Variants in STAB1 observed in about 807,000 individuals in gnomAD.
The protein encoded by STAB1 is stabilin 1.
STAB1 carries 250 observed loss-of-function variants against 332.4 expected under a neutral mutation model. The ratio of observed to expected loss-of-function variants is 0.75; its 90% CI spans 0.68 to 0.84. The LOEUF (loss-of-function observed/expected upper bound fraction) is 0.84. Among genes scored for constraint, STAB1 ranks in the 40% least tolerant of loss-of-function variants. The pLI is 0.00. For missense variants in STAB1, 3,249 were observed against 3,489.7 expected (o/e 0.93, Z 1.74); for synonymous variants, 1,475 against 1,390.4 (o/e 1.06, Z -1.35).
intron 34 of STAB1, 50 bp from the exon 35 acceptor site, chr3:52,514,651 C>A (rs896814330): frequency 3.1e-6 from 5 of 1,611,244 alleles, no homozygotes; most frequent in Admixed American, 1.7e-5. Flanking sequence ...TACAGCCCTG[C>A]CAGGTGAGGG....
chr3:52,515,578 G>T, intron 37 of STAB1, 72 bp downstream of exon 37: 1 of 1,531,242 alleles, frequency 6.5e-7, no homozygotes, highest in Non-Finnish European at 9.0e-7. Context: ...GCCCAGGGAG[G>T]AGCCCAGTTT....
Position 52,520,283 on chromosome 3 carries a change from C to T in STAB1, c.5492C>T (p.Thr1831Met), listed in dbSNP as rs752037183. 1.7e-5 allele frequency: 28 copies of T among 1,613,108 alleles called. No homozygotes were observed. Among genetic ancestry groups the T allele is most frequent in the Middle Eastern group, 3.3e-4 (2 of 6,060 alleles). Residue 1831 changes from threonine (T) to methionine (M), a missense_variant, in exon 52 of 69, where the codon ACG (threonine) becomes ATG (methionine). Physicochemically the swap from Thr to Met is moderately conservative, Grantham distance 81. Transcript: ENST00000321725. ...CCCATCTCTTTCTCCTGCAGCCGAA[C>T]GCGGGCCGTGAGTCTGGGGAGAGGG... ...GTPISFSCSR[T>M]RAGELMVGED...
chr3:52,517,023 C>T lies in STAB1; in HGVS notation c.4403C>T (p.Pro1468Leu). 1 of 1,608,348 alleles carries T rather than the reference C, an allele frequency of 6.2e-7. No homozygotes were observed. Among genetic ancestry groups the T allele is most frequent in the East Asian group, 2.2e-5 (1 of 44,846 alleles). ...GCCCACGGCCATGGGGGCTGCTCCC[C>T]TCATGCCAACTGTACCAAGGTGGCA... ...PCAHGHGGCS[P>L]HANCTKVAPG... Residue 1468 changes from proline (P) to leucine (L), a missense_variant, in exon 42 of 69, where the codon CCT (proline) becomes CTT (leucine). Physicochemically the swap from Pro to Leu is moderately conservative, Grantham distance 98. Coordinates refer to ENST00000321725, the MANE Select transcript of STAB1 (RefSeq NM_015136.3).
At position 52,506,794 on chromosome 3, in the gene STAB1, A is replaced by G; in HGVS notation, c.1933A>G (p.Thr645Ala). Reference sequence around the variant, plus strand: ...GCTGGACGGCATCCTGCTGCCCCCGACCATCCTGCCCATCCTGCCCAAGCA... The same window carrying G: ...GCTGGACGGCATCCTGCTGCCCCCGGCCATCCTGCCCATCCTGCCCAAGCA... The part of the protein sequence containing the change: ...HMLDGILLPP[T>A]ILPILPKHCS... Residue 645 changes from threonine to alanine, a missense_variant, in exon 18 of 69, where the codon ACC becomes GCC. Thr to Ala is a moderately conservative substitution (Grantham distance 58). Transcript: ENST00000321725. The G allele has an allele frequency of 1.2e-6, 2 of 1,613,154 alleles. No individual in the cohort carries two copies. Among genetic ancestry groups the G allele is most frequent in the Non-Finnish European group, 1.7e-6 (2 of 1,179,940 alleles).
At chr3:52,504,409 T>A in intron 10 of STAB1, 52 bp from the exon 11 acceptor site, 5 of 1,590,384 alleles carry the variant, frequency 3.1e-6, no homozygotes, top group Non-Finnish European at 4.3e-6. Flanking sequence ...TCTTCTGAGA[T>A]CCCCAGAGTC....
At position 52,518,571 on chromosome 3, in the gene STAB1, C is replaced by T. The variant is rs888301521; in HGVS notation, c.4845C>T (p.Thr1615=). The T allele has an allele frequency of 1.9e-6, 3 of 1,599,402 alleles. No individual in the cohort carries two copies. The highest frequency in any genetic ancestry group is 1.3e-5 in the African/African-American group (1 of 74,848). The change falls in exon 47 of 69, where the codon ACC becomes ACT. Residue 1615 remains threonine, a synonymous_variant. Transcript: ENST00000321725. ...YKELKGDGPF[T]IFVPHADLMS... ...AGCTCAAGGGCGATGGGCCTTTCAC[C>T]ATCTTCGTGCCGCACGCAGATCTAA...
At chr3:52,521,995 C>G (rs781359176) in intron 58 of STAB1, 42 bp from the exon 59 acceptor site, 114 of 1,609,406 alleles carry the variant, frequency 7.1e-5, no homozygotes, top group Non-Finnish European at 9.3e-5. Flanking sequence ...GCCCCCACTC[C>G]CCTGCAGTCA....
chr3:52,501,141 G>T, intron 1 of STAB1, 25 bp from the exon 2 acceptor site: 1 of 1,608,466 alleles, frequency 6.2e-7, no homozygotes. Context: ...CCAGGCCCCT[G>T]ACCACACCCT....
At chr3:52,502,456 G>C (rs77652244) in intron 5 of STAB1, among the ~76,000 whole-genome samples, 176 bp from the exon 6 acceptor site, 2 of 152,194 alleles carry the variant, frequency 1.3e-5, no homozygotes, top group Non-Finnish European at 2.9e-5. Context: ...GCCCCAGGCC[G>C]GGCCAGTGCC....
At position 52,513,607 on chromosome 3, in the gene STAB1, C is replaced by T. The variant is rs573281899; in HGVS notation, c.3271-110C>T. 76 of 1,131,642 alleles carry T rather than the reference C, an allele frequency of 6.7e-5. No homozygotes were observed. The South Asian group carries it at 8.4e-4, about 13-fold the overall frequency. The allele number at this position is 1,131,642 out of a possible 1,614,324, so 70.1% of individuals were successfully genotyped here. On this transcript the variant is annotated intron_variant, in intron 30 of 68. Transcript: ENST00000321725. ...AGAACCCAGCTTGTGGGCCAGCCTGCGGACCACCTGTGGGTGCCTGTGTGC... is the reference window on the plus strand; with the variant it reads ...AGAACCCAGCTTGTGGGCCAGCCTGTGGACCACCTGTGGGTGCCTGTGTGC...
chr3:52,522,313 G>A lies in STAB1; in HGVS notation c.6466-17G>A, dbSNP rs776041445. On this transcript the variant is annotated splice_polypyrimidine_tract_variant and intron_variant, in intron 59 of 68. Coordinates refer to ENST00000321725, the MANE Select transcript of STAB1 (RefSeq NM_015136.3). The stretch of plus-strand genomic sequence containing the variant: ...CTCTGAAGGGTGAAGGGCGCCCACT[G>A]CTCTCTCCAACCCCAGAACACACGG... 1 of 1,612,624 alleles carries A rather than the reference G, an allele frequency of 6.2e-7. No homozygotes were observed. Among genetic ancestry groups the A allele is most frequent in the African/African-American group, 1.3e-5 (1 of 74,910 alleles).
intron 25 of STAB1, among the ~76,000 whole-genome samples, chr3:52,510,875 T>C (rs963032846): frequency 6.6e-6 from 1 of 152,228 alleles, no homozygotes; most frequent in African/African-American, 2.4e-5. Flanking sequence ...GCTCGGAACC[T>C]GGAGCCTTCC....
chr3:52,502,456 G>A lies in STAB1; in HGVS notation c.488-176G>A, dbSNP rs77652244. ...GGAAGCCCTCTGTGAGCCCCAGGCC[G>A]GGCCAGTGCCTTCTGTGGTCTCCCA... On this transcript the variant is annotated intron_variant, in intron 5 of 68. Coordinates refer to ENST00000321725, the MANE Select transcript of STAB1 (RefSeq NM_015136.3). Among the ~76,000 whole-genome samples, 146 of 152,312 alleles carry A rather than the reference G, an allele frequency of 9.6e-4. 4 individuals carry two copies. The East Asian group carries it at 0.026, about 28-fold the overall frequency.
chr3:52,524,170 C>T lies in STAB1; in HGVS notation c.7613C>T (p.Pro2538Leu). 6.2e-7 allele frequency: 1 copy of T among 1,614,106 alleles called. No individual in the cohort carries two copies. Among genetic ancestry groups the T allele is most frequent in the Non-Finnish European group, 8.5e-7 (1 of 1,180,042 alleles). ...EGTNPTLVSV[P>L]NPVFGSDTFC... ...ACCAACCCCACCCTGGTCTCTGTCC[C>T]CAACCCTGTCTTTGGCAGCGACACC... The change falls in exon 68 of 69, where the codon CCC becomes CTC. Residue 2538 changes from proline to leucine, a missense_variant. Pro to Leu is a moderately conservative substitution (Grantham distance 98, BLOSUM62 -3). Transcript: ENST00000321725.
rs2079050257 is a variant in STAB1, at chr3:52,520,859, T to C, written c.5762T>C (p.Leu1921Pro). Reference sequence around the variant, plus strand: ...CCGAAGTTCTGGACGTCCCCTCCGCTGCACTCTTTGGGATTACGCAGCGTC... The same window carrying C: ...CCGAAGTTCTGGACGTCCCCTCCGCCGCACTCTTTGGGATTACGCAGCGTC... ...FYPKFWTSPP[L>P]HSLGLRSVWV... The change falls in exon 55 of 69, where the codon CTG becomes CCG. Residue 1921 changes from leucine to proline, a missense_variant. Leu to Pro is a moderately conservative substitution (Grantham distance 98). Coordinates refer to ENST00000321725, the MANE Select transcript of STAB1 (RefSeq NM_015136.3). 2 of 1,612,844 alleles carry C rather than the reference T, an allele frequency of 1.2e-6. No individual in the cohort carries two copies. Among genetic ancestry groups the C allele is most frequent in the Non-Finnish European group, 1.7e-6 (2 of 1,180,018 alleles).
intron 43 of STAB1, 36 bp downstream of exon 43, chr3:52,517,429 C>A (rs1163200614): frequency 1.3e-6 from 2 of 1,577,776 alleles, no homozygotes; most frequent in East Asian, 4.5e-5. Context: ...GGCATCATGC[C>A]ATGCCCTCAC....
rs769429961 is a variant in STAB1 at position 52,502,263 on chromosome 3, G to A, written c.487+35G>A. 3.6e-5 allele frequency: 58 copies of A among 1,599,986 alleles called. 1 individual carries two copies. Among genetic ancestry groups the A allele is most frequent in the South Asian group, 6.6e-5 (6 of 90,518 alleles). On this transcript the variant is annotated intron_variant, in intron 5 of 68. Transcript: ENST00000321725. ...TAAAAGGCAAGAGGGCACGGCCAGC[G>A]TCCACCTGGGGGCCCACGCAGATGC...
chr3:52,513,327 G>T, intron 30 of STAB1, 86 bp downstream of exon 30: 1 of 1,367,756 alleles, frequency 7.3e-7, no homozygotes, highest in Non-Finnish European at 9.9e-7. Flanking sequence ...CACATCAGGG[G>T]CCCCATGGGA....
rs201772552 is a variant in STAB1, at chr3:52,503,067, A to T, written c.652A>T (p.Arg218Trp). 569 of 1,601,724 alleles carry T rather than the reference A, an allele frequency of 3.6e-4. No homozygotes were observed. The highest frequency in any genetic ancestry group is 8.2e-4 in the Admixed American group (48 of 58,682). ...TQCSAEAPSCRCLPGYTQQGS... is the reference protein window; with the variant it reads ...TQCSAEAPSCWCLPGYTQQGS... ...GTGCTCCGCAGAGGCTCCCAGCTGC[A>T]GGTGCCTGCCCGGCTACACACAGCA... The change falls in exon 7 of 69, where the codon AGG (arginine) becomes TGG (tryptophan). Residue 218 changes from arginine (R) to tryptophan (W), a missense_variant. Arg to Trp is a moderately radical substitution (Grantham distance 101). Transcript: ENST00000321725.
Sources: allele counts gnomAD v4.1 joint callset (sites outside exome capture counted in the v4.1 genomes callset), GRCh38; gene constraint gnomAD v4.1.1; transcripts MANE v1.5; gene names NCBI Gene and HGNC (gene_info 2026-07-23, HGNC 2026-07-21).